PRH1: variants seen among roughly 807,000 people sequenced by gnomAD.
The protein encoded by PRH1 is salivary acidic proline-rich phosphoprotein 1/2.
Under a neutral mutation model 7.9 loss-of-function variants are expected in PRH1, and 7 were observed. The ratio of observed to expected loss-of-function variants is 0.89; its 90% CI spans 0.50 to 1.67. The LOEUF is 1.67. PRH1 is among the 40% of genes most tolerant of loss of function. The probability of loss-of-function intolerance (pLI) is 0.00; values close to 1 mark genes in which losing one functional copy is unlikely to be tolerated. For missense variants in PRH1, 109 were observed against 223.6 expected, an observed-to-expected ratio of 0.49 and a Z score of 3.27; for synonymous variants, 45 against 80.8, an observed-to-expected ratio of 0.56 and a Z score of 2.38.
At chr12:11,060,312 T>C (rs1342193801) in intron 1 of PRH1, among the ~76,000 whole-genome samples, 5 of 152,138 alleles carry the variant, frequency 3.3e-5, no homozygotes, top group African/African-American at 9.7e-5. Flanking sequence ...ATAGATGCCA[T>C]TTTAACATTT....
chr12:11,045,332 ATAG>A lies in PRH1; in HGVS notation c.-126+1685_-126+1687del, dbSNP rs1004204109. 1.3e-4 allele frequency among the ~76,000 whole-genome samples: 19 copies of A among 151,644 alleles called. No individual in the cohort carries two copies. The South Asian group carries it at 3.4e-3, about 27-fold the overall frequency. On this transcript the variant is annotated intron_variant, in intron 1 of 3. Coordinates refer to the PRH1 transcript ENST00000539853. ...TAATGGTTACCAAAAAAAAAAAAAA[ATAG>A]AAAGAATTAATAAGACCTACTATTT...
intron 1 of PRH1, among the ~76,000 whole-genome samples, chr12:11,107,911 GA>G (rs1195910903): frequency 1.5e-4 from 23 of 152,198 alleles, no homozygotes; most frequent in African/African-American, 5.5e-4. Context: ...AGCAGCAAAA[GA>G]AAAGGAACAA....
chr12:11,009,562 T>C (rs1204310457), intron 1 of PRH1, among the ~76,000 whole-genome samples: 1 of 151,996 alleles, frequency 6.6e-6, no homozygotes, highest in Non-Finnish European at 1.5e-5. Context: ...CCTCCAGCCT[T>C]GTATTTTTCT....
intron 1 of PRH1, among the ~76,000 whole-genome samples, chr12:11,020,316 C>G (rs1279224740): frequency 2.7e-5 from 4 of 149,562 alleles, no homozygotes; most frequent in African/African-American, 1.0e-4. Flanking sequence ...GATATGACCT[C>G]TCTTTTTATG....
intron 1 of PRH1, among the ~76,000 whole-genome samples, chr12:11,104,389 C>G (rs754438408): frequency 6.6e-6 from 1 of 152,022 alleles, no homozygotes; most frequent in Non-Finnish European, 1.5e-5. Flanking sequence ...TAAAGTTTTT[C>G]AAACTTTACG....
chr12:11,171,196 C>T (rs1290550479), intron 1 of PRH1: 2 of 415,246 alleles, frequency 4.8e-6, no homozygotes. Flanking sequence ...GCGCCCGGGG[C>T]TACGCGCCGC....
At chr12:10,941,792 AGCCTT>A (rs1043355965) in intron 2 of PRH1, among the ~76,000 whole-genome samples, 3 of 151,880 alleles carry the variant, frequency 2.0e-5, no homozygotes, top group African/African-American at 7.3e-5. Flanking sequence ...AGTGTTAAAG[AGCCTT>A]GTTTTGTCAT....
At position 11,106,023 on chromosome 12, in the gene PRH1, C is replaced by T. The variant is rs868087557; in HGVS notation, n.124-58835G>A. 2.5e-4 allele frequency among the ~76,000 whole-genome samples: 16 copies of T among 62,756 alleles called. 3 individuals carry two copies. The highest frequency in any genetic ancestry group is 1.4e-3 in the Admixed American group (9 of 6,288). The allele number at this position is 62,756 out of a possible 152,430, so 41.2% of individuals were successfully genotyped here. On this transcript the variant is annotated intron_variant and non_coding_transcript_variant, in intron 1 of 4. Transcript: ENST00000541977. ...TGGTGCTATCCCGGCTCACTGCAAGCTCCGCCTCTTGGGTTCATGCCATTC... is the reference window on the plus strand; with the variant it reads ...TGGTGCTATCCCGGCTCACTGCAAGTTCCGCCTCTTGGGTTCATGCCATTC...
intron 1 of PRH1, among the ~76,000 whole-genome samples, chr12:11,146,954 A>G (rs1025058050): frequency 6.6e-6 from 1 of 152,082 alleles, no homozygotes; most frequent in Non-Finnish European, 1.5e-5. Context: ...AATTCTTTCA[A>G]TTTTCATAAT....
chr12:11,012,776 T>G (rs559845006), intron 1 of PRH1, among the ~76,000 whole-genome samples: 1 of 152,172 alleles, frequency 6.6e-6, no homozygotes, highest in South Asian at 2.1e-4. Context: ...CAGTATGGTC[T>G]TGAAAACATG....
At position 11,128,887 on chromosome 12, in the gene PRH1, C is replaced by A. The variant is rs2708346; in HGVS notation, n.40-7707G>T. Among the ~76,000 whole-genome samples, 654 of 151,588 alleles carry A rather than the reference C, an allele frequency of 4.3e-3. 5 individuals are homozygous for A. Among genetic ancestry groups the A allele is most frequent in the African/African-American group, 0.015 (632 of 41,410 alleles). ...AAGATTGTTAATTATTGATTTGATC[C>A]TGTTTCTCTTGATATTTGACACCAG... On this transcript the variant is annotated intron_variant and non_coding_transcript_variant, in intron 1 of 1. Transcript: ENST00000541175.
intron 2 of PRH1, among the ~76,000 whole-genome samples, chr12:10,893,860 A>G (rs1209966313): frequency 6.6e-6 from 1 of 151,982 alleles, no homozygotes; most frequent in Non-Finnish European, 1.5e-5. Flanking sequence ...TCTGCTTCCA[A>G]TTATTTCATT....
At chr12:11,035,609 GGT>G (rs1226256962) in intron 1 of PRH1, among the ~76,000 whole-genome samples, 1 of 152,030 alleles carries the variant, frequency 6.6e-6, no homozygotes, top group Non-Finnish European at 1.5e-5. Context: ...ACATGAAAAT[GGT>G]AACCATATTT....
At chr12:10,908,826 C>A (rs1376213783) in intron 2 of PRH1, 1 of 1,613,742 alleles carries the variant, frequency 6.2e-7, no homozygotes, top group Admixed American at 1.7e-5. Context: ...TCTTTCATAT[C>A]GGTCCAGCCA....
chr12:10,993,648 C>T (rs374007960), intron 1 of PRH1, among the ~76,000 whole-genome samples: 1 of 152,144 alleles, frequency 6.6e-6, no homozygotes, highest in African/African-American at 2.4e-5. Flanking sequence ...ATTTGGGAGC[C>T]AACGTATTCC....
At position 11,094,219 on chromosome 12, in the gene PRH1, G is replaced by T. The variant is rs190376155; in HGVS notation, n.124-47031C>A. Among the ~76,000 whole-genome samples, 4 of 103,678 alleles carry T rather than the reference G, an allele frequency of 3.9e-5. 2 individuals carry two copies. The highest frequency in any genetic ancestry group is 8.8e-5 in the Non-Finnish European group (4 of 45,266). 68.0% of individuals were successfully genotyped at this position (103,678 alleles called of 152,430 possible). A position where few individuals can be genotyped will look rare whatever the true frequency, so the allele number is the denominator to read the frequency against. On this transcript the variant is annotated intron_variant and non_coding_transcript_variant, in intron 1 of 4. Coordinates refer to the PRH1 transcript ENST00000541977. ...CAGGAGGCTGAGGCAGGAGAATGGC[G>T]TGAACCCCGGAGGCGGAGGTTGCAG...
upstream of PRH1, among the ~76,000 whole-genome samples, chr12:10,888,633 C>G (rs1186868335): frequency 6.6e-6 from 1 of 152,038 alleles, no homozygotes; most frequent in African/African-American, 2.4e-5. Context: ...ATTTATACTA[C>G]TTTTGATTGT....
intron 1 of PRH1, among the ~76,000 whole-genome samples, chr12:10,976,688 AAG>A (rs931016838): frequency 6.6e-6 from 1 of 152,106 alleles, no homozygotes; most frequent in African/African-American, 2.4e-5. Flanking sequence ...ATAAAGAAAA[AAG>A]AGAGAATATA....
At chr12:11,019,879 C>G (rs929994213) in intron 1 of PRH1, among the ~76,000 whole-genome samples, 10 of 152,296 alleles carry the variant, frequency 6.6e-5, no homozygotes, top group African/African-American at 2.4e-4. Context: ...GTCATGGGGT[C>G]TGCTAGCCCC....
Sources: allele counts gnomAD v4.1 joint callset (sites outside exome capture counted in the v4.1 genomes callset), GRCh38; gene constraint gnomAD v4.1.1; transcripts MANE v1.5; gene names NCBI Gene and HGNC (gene_info 2026-07-23, HGNC 2026-07-21).